GALNT10: variants seen among roughly 807,000 people sequenced by gnomAD.
GALNT10 encodes the protein GalNAc transferase 10.
Under a neutral mutation model 75.0 loss-of-function variants are expected in GALNT10, and 41 were observed. That is an observed-to-expected ratio of 0.55 (90% CI 0.43 to 0.71). The LOEUF is 0.71. Among genes scored for constraint, GALNT10 ranks in the 30% least tolerant of loss-of-function variants. The pLI is 0.00. For synonymous variants in GALNT10, 302 were observed against 313.0 expected, an observed-to-expected ratio of 0.96 and a Z score of 0.37; for missense variants, 727 against 818.5, an observed-to-expected ratio of 0.89 and a Z score of 1.36.
chr5:154,246,153 G>T (rs1406145821), intron 1 of GALNT10, among the ~76,000 whole-genome samples: 1 of 151,422 alleles, frequency 6.6e-6, no homozygotes, highest in African/African-American at 2.4e-5. Flanking sequence ...ATTTTTTTTG[G>T]CTGCATAGTA....
intron 4 of GALNT10, among the ~76,000 whole-genome samples, chr5:154,340,380 G>A (rs1581981878): frequency 6.6e-6 from 1 of 152,056 alleles, no homozygotes; most frequent in East Asian, 1.9e-4. Context: ...TTTGCCTAAA[G>A]GAAAAATTCA....
intron 4 of GALNT10, among the ~76,000 whole-genome samples, chr5:154,364,807 A>G (rs1429964488): frequency 1.7e-4 from 26 of 152,040 alleles, no homozygotes; most frequent in Non-Finnish European, 3.5e-4. Context: ...GAAGCCCACA[A>G]CTGGAATTGC....
At chr5:154,219,832 TCTCTCTCACACA>T (rs1384127365) in intron 1 of GALNT10, among the ~76,000 whole-genome samples, 1 of 80,120 alleles carries the variant, frequency 1.2e-5, no homozygotes, top group Non-Finnish European at 3.2e-5. Flanking sequence ...TCTCTCTCTC[TCTCTCTCACACA>T]CACACACACA....
chr5:154,395,967 T>G (rs1314888489), intron 7 of GALNT10, among the ~76,000 whole-genome samples: 2 of 152,084 alleles, frequency 1.3e-5, no homozygotes, highest in African/African-American at 4.8e-5. Context: ...AGGCCCAAGG[T>G]TGAAAATCGC....
chr5:154,307,841 A>G (rs1222038654), intron 3 of GALNT10, among the ~76,000 whole-genome samples: 1 of 151,704 alleles, frequency 6.6e-6, no homozygotes, highest in East Asian at 2.0e-4. Flanking sequence ...CAACTAGAAG[A>G]TCAAAGGATA....
At chr5:154,273,733 C>T (rs980004763) in intron 1 of GALNT10, among the ~76,000 whole-genome samples, 11 of 152,124 alleles carry the variant, frequency 7.2e-5, no homozygotes, top group African/African-American at 2.7e-4. Context: ...GCCTTTATTA[C>T]TTTTATAATT....
chr5:154,339,386 T>C (rs575212701), intron 4 of GALNT10, among the ~76,000 whole-genome samples: 2 of 152,198 alleles, frequency 1.3e-5, no homozygotes, highest in Non-Finnish European at 2.9e-5. Flanking sequence ...GCTAAGAAGA[T>C]TAAAACTGTT....
chr5:154,358,403 G>A (rs1177930480), intron 4 of GALNT10, among the ~76,000 whole-genome samples: 1 of 152,156 alleles, frequency 6.6e-6, no homozygotes, highest in Non-Finnish European at 1.5e-5. Context: ...GGCCTGCTGA[G>A]CATTCTGTTA....
At chr5:154,354,451 A>G (rs1042158683) in intron 4 of GALNT10, among the ~76,000 whole-genome samples, 4 of 152,208 alleles carry the variant, frequency 2.6e-5, no homozygotes, top group Non-Finnish European at 4.4e-5. Context: ...ACCAGGGGGA[A>G]CAGCATCTCA....
At chr5:154,355,419 G>A (rs13164128) in intron 4 of GALNT10, among the ~76,000 whole-genome samples, 2,644 of 152,334 alleles carry the variant, frequency 0.017, 29 homozygotes, top group Middle Eastern at 0.065. Flanking sequence ...TGGAGGTCCT[G>A]GAGCTTGAAT....
intron 4 of GALNT10, among the ~76,000 whole-genome samples, chr5:154,363,999 C>CTT (rs1018164700): frequency 7.2e-5 from 11 of 152,178 alleles, no homozygotes; most frequent in Non-Finnish European, 1.5e-4. Context: ...ATCAATCACT[C>CTT]TGAGTCCTGC....
intron 7 of GALNT10, chr5:154,403,902 A>G (rs1201679146): frequency 3.1e-6 from 2 of 642,676 alleles, no homozygotes; most frequent in South Asian, 1.8e-5. Flanking sequence ...GTGTGTGGCA[A>G]TGGTAAGCAC....
At chr5:154,263,409 T>G (rs918723204) in intron 1 of GALNT10, among the ~76,000 whole-genome samples, 1 of 152,172 alleles carries the variant, frequency 6.6e-6, no homozygotes, top group Admixed American at 6.5e-5. Flanking sequence ...AGACCACGTA[T>G]TGCATGATTC....
chr5:154,338,047 C>A (rs1387537798), intron 4 of GALNT10: 2 of 1,381,856 alleles, frequency 1.4e-6, no homozygotes, highest in Non-Finnish European at 2.0e-6. Flanking sequence ...TTTTTCCATA[C>A]TGTTCAAAAT....
At chr5:154,296,425 T>C (rs1754273354) in intron 2 of GALNT10, among the ~76,000 whole-genome samples, 1 of 151,972 alleles carries the variant, frequency 6.6e-6, no homozygotes, top group East Asian at 1.9e-4. Flanking sequence ...AAGAAAACAT[T>C]TGGGAAGAGC....
At chr5:154,326,216 G>A (rs1381135605) in intron 3 of GALNT10, among the ~76,000 whole-genome samples, 2 of 152,138 alleles carry the variant, frequency 1.3e-5, no homozygotes, top group Non-Finnish European at 2.9e-5. Context: ...CACTCACTAG[G>A]ATAGCTATAA....
Position 154,249,834 on chromosome 5 carries a change from TTC to T in GALNT10, c.160-44974_160-44973del, listed in dbSNP as rs946806956. 6.6e-5 allele frequency among the ~76,000 whole-genome samples: 10 copies of T among 152,178 alleles called. 1 individual carries two copies. The highest frequency in any genetic ancestry group is 6.6e-4 in the Admixed American group (10 of 15,262). ...GCCTTTGGGTGAGGAGAAGAAAAGC[TTC>T]TCTCTCTTGCTACCCCACAGATCAC... On this transcript the variant is annotated intron_variant, in intron 1 of 11. Transcript: ENST00000297107.
chr5:154,356,206 A>G (rs1755287813), intron 4 of GALNT10: 3 of 456,194 alleles, frequency 6.6e-6, no homozygotes, highest in African/African-American at 4.0e-5. Flanking sequence ...ACCCTTCAGC[A>G]TACGCAGCTC....
At chr5:154,346,144 G>A (rs1755121376) in intron 4 of GALNT10, among the ~76,000 whole-genome samples, 1 of 148,866 alleles carries the variant, frequency 6.7e-6, no homozygotes, top group African/African-American at 2.5e-5. Context: ...GTGTGCGTGT[G>A]TGTGTGTGTG....
Sources: allele counts gnomAD v4.1 joint callset (sites outside exome capture counted in the v4.1 genomes callset), GRCh38; gene constraint gnomAD v4.1.1; transcripts MANE v1.5; gene names NCBI Gene and HGNC (gene_info 2026-07-23, HGNC 2026-07-21).